TMEM94: variants seen among roughly 807,000 people sequenced by gnomAD.
TMEM94 encodes the protein ER Mg2+ ATPase.
TMEM94 carries 81 observed loss-of-function variants against 158.6 expected under a neutral mutation model. That is an observed-to-expected ratio of 0.51 (90% confidence interval 0.43 to 0.61). The LOEUF (loss-of-function observed/expected upper bound fraction) is 0.61, where lower values mean the gene tolerates loss of function less well. Among genes scored for constraint, TMEM94 ranks in the 20% least tolerant of loss-of-function variants. TMEM94 has a pLI of 0.00. For missense variants in TMEM94, 1,435 were observed against 1,762.0 expected (o/e 0.81, Z 3.32); for synonymous variants, 751 against 730.7 (o/e 1.03, Z -0.45).
chr17:75,478,708 G>C (rs922708432), intron 2 of TMEM94, among the ~76,000 whole-genome samples: 3 of 152,178 alleles, frequency 2.0e-5, no homozygotes, highest in Admixed American at 1.3e-4. Context: ...CCTTAGAGCC[G>C]TGTTATTTTC....
rs752007354 is a variant in TMEM94, at chr17:75,498,151, G to A, written c.3490-24G>A. On this transcript the variant is annotated intron_variant, in intron 27 of 31. Transcript: ENST00000314256. The surrounding 1 kb of genome is among the most constrained non-coding windows in gnomAD (Gnocchi z 6.7). ...CCGGCAGAGGGGCTGTGCGCCCCAG[G>A]AGTGACTGGCCTTGTTCCCGCAGAC... 6 of 1,613,052 alleles carry A rather than the reference G, an allele frequency of 3.7e-6. No homozygotes were observed. In the African/African-American group the frequency reaches 5.3e-5, roughly 14 times the overall value.
Position 75,498,638 on chromosome 17 carries a change from CCATCACCCATGTG to C in TMEM94, c.3748_3760del (p.Thr1250AlafsTer11). Reference sequence around the variant, plus strand: ...GCCCCACCTTCCCCAGTCTTCATTTCCATCACCCATGTGCATCGCACCAAGCCCCTGTGGAGAA... The same window carrying C: ...GCCCCACCTTCCCCAGTCTTCATTTCCATCGCACCAAGCCCCTGTGGAGAA... On this transcript the variant is annotated frameshift_variant, in exon 30 of 32. Coordinates refer to ENST00000314256, the MANE Select transcript of TMEM94 (RefSeq NM_014738.6). LOFTEE classifies it high-confidence loss of function. This position sits in a 1 kb window ranked among gnomAD's most constrained non-coding sequence, Gnocchi z 6.7. 10 of 1,611,090 alleles carry C rather than the reference CCATCACCCATGTG, an allele frequency of 6.2e-6. No homozygotes were observed. Among genetic ancestry groups the C allele is most frequent in the Non-Finnish European group, 8.5e-6 (10 of 1,178,420 alleles).
Position 75,485,485 on chromosome 17 carries a change from G to C in TMEM94, c.82G>C (p.Glu28Gln), listed in dbSNP as rs747528206. 17 of 1,614,186 alleles carry C rather than the reference G, an allele frequency of 1.1e-5. No homozygotes were observed. The East Asian group carries it at 3.8e-4, about 36-fold the overall frequency. The part of the protein sequence containing the change: ...STRKALSVLK[E>Q]QLEAVLEGHL... ...GCGGAAGGCCCTCAGCGTCCTGAAGGAGCAGCTGGAGGCAGTGCTGGAAGG... is the reference window on the plus strand; with the variant it reads ...GCGGAAGGCCCTCAGCGTCCTGAAGCAGCAGCTGGAGGCAGTGCTGGAAGG... The change falls in exon 3 of 32, where the codon GAG becomes CAG. Residue 28 changes from glutamate to glutamine, a missense_variant. Physicochemically the swap from Glu to Gln is conservative, Grantham distance 29. Around this residue, in one of 3 missense-constraint regions of TMEM94, gnomAD observed 1,051 missense variants for 1,254.4 expected, o/e 0.84. Coordinates refer to ENST00000314256, the MANE Select transcript of TMEM94 (RefSeq NM_014738.6). This position sits in a 1 kb window ranked among gnomAD's most constrained non-coding sequence, Gnocchi z 5.5.
intron 1 of TMEM94, among the ~76,000 whole-genome samples, chr17:75,467,829 G>T (rs1349944908): frequency 1.3e-5 from 2 of 152,136 alleles, no homozygotes; most frequent in Non-Finnish European, 1.5e-5. Flanking sequence ...ACCGCGCCCG[G>T]CCCCATTTCT....
In TMEM94 at chr17:75,491,230, G is replaced by A; in HGVS notation, c.1234-73G>A. Reference sequence around the variant, plus strand: ...CTGGCTGGGCCTGGGCTGCCCACCTGCCGCTTGAGTGGCCCCTGGGCAGGA... The same window carrying A: ...CTGGCTGGGCCTGGGCTGCCCACCTACCGCTTGAGTGGCCCCTGGGCAGGA... On this transcript the variant is annotated intron_variant, in intron 12 of 31. Coordinates refer to ENST00000314256, the MANE Select transcript of TMEM94 (RefSeq NM_014738.6). This position sits in a 1 kb window ranked among gnomAD's most constrained non-coding sequence, Gnocchi z 5.1. 1.9e-6 allele frequency: 3 copies of A among 1,596,054 alleles called. No individual in the cohort carries two copies. The highest frequency in any genetic ancestry group is 2.6e-6 in the Non-Finnish European group (3 of 1,167,246).
chr17:75,489,375 G>A lies in TMEM94; in HGVS notation c.867+7G>A, dbSNP rs372064721. ...TGCTGTGCCCGTGGTCCTGGTGCGT[G>A]TGGCGGGGCTGTGCGGGGCTGCATG... On this transcript the variant is annotated splice_region_variant and intron_variant, in intron 8 of 31. Coordinates refer to ENST00000314256, the MANE Select transcript of TMEM94 (RefSeq NM_014738.6). The surrounding 1 kb of genome is among the most constrained non-coding windows in gnomAD (Gnocchi z 5.0). 1.9e-6 allele frequency: 3 copies of A among 1,613,670 alleles called. No homozygotes were observed. Among genetic ancestry groups the A allele is most frequent in the Admixed American group, 3.3e-5 (2 of 60,032 alleles).
rs902173264 is a variant in TMEM94 at position 75,490,497 on chromosome 17, C to G, written c.1071+147C>G. ...AGCTCTCCAGGCCTCGGGCCCTCTC[C>G]ATTCCAGAAGGGCCTCCAGGCCAGG... is the stretch of plus-strand genomic sequence containing the variant. On this transcript the variant is annotated intron_variant, in intron 10 of 31. Coordinates refer to ENST00000314256, the MANE Select transcript of TMEM94 (RefSeq NM_014738.6). 9.0e-6 allele frequency: 9 copies of G among 998,312 alleles called. No individual in the cohort carries two copies. The African/African-American group carries it at 1.5e-4, about 16-fold the overall frequency. 61.8% of individuals were successfully genotyped at this position (998,312 alleles called of 1,614,324 possible).
rs768260537 is a variant in TMEM94, at chr17:75,496,377, C to T, written c.3149C>T (p.Ser1050Phe). 2 of 1,613,930 alleles carry T rather than the reference C, an allele frequency of 1.2e-6. No homozygotes were observed. The highest frequency in any genetic ancestry group is 1.1e-5 in the South Asian group (1 of 91,090). Residue 1050 changes from serine to phenylalanine, a missense_variant, in exon 24 of 32, where the codon TCT becomes TTT. Ser to Phe is a radical substitution (Grantham distance 155). Around this residue, in one of 3 missense-constraint regions of TMEM94, gnomAD observed 335 missense variants for 409.1 expected, o/e 0.82. Coordinates refer to ENST00000314256, the MANE Select transcript of TMEM94 (RefSeq NM_014738.6). Reference protein sequence around the residue: ...ISMAQASDGLSPLQLSGQLNS... With the variant: ...ISMAQASDGLFPLQLSGQLNS... ...ATGGCCCAGGCCTCGGATGGCCTTT[C>T]TCCCCTGCAGCTGTCAGGGCAGCTC... is the stretch of plus-strand genomic sequence containing the variant.
rs752861630 is a variant in TMEM94 at position 75,494,867 on chromosome 17, G to T, written c.2590-29G>T. On this transcript the variant is annotated intron_variant, in intron 19 of 31. Transcript: ENST00000314256. Reference sequence around the variant, plus strand: ...TCTGTTTCCACGGGCTTTTGGGCCCGTATGTTCATGGCCGTCTGCCTTTCA... The same window carrying T: ...TCTGTTTCCACGGGCTTTTGGGCCCTTATGTTCATGGCCGTCTGCCTTTCA... 9.9e-6 allele frequency: 16 copies of T among 1,613,174 alleles called. No individual in the cohort carries two copies. In the Middle Eastern group the frequency reaches 6.6e-4, roughly 67 times the overall value.
Position 75,491,172 on chromosome 17 carries a change from G to A in TMEM94, c.1233+19G>A, listed in dbSNP as rs750448323. The A allele has an allele frequency of 6.3e-7, 1 of 1,599,508 alleles. No individual in the cohort carries two copies. Among genetic ancestry groups the A allele is most frequent in the Admixed American group, 1.7e-5 (1 of 59,206 alleles). Reference sequence around the variant, plus strand: ...TGTCACGGTGAGGGTGGGCCTTGCGGGGAGGAGGCAACTGTCATGCCCGCC... The same window carrying A: ...TGTCACGGTGAGGGTGGGCCTTGCGAGGAGGAGGCAACTGTCATGCCCGCC... On this transcript the variant is annotated intron_variant, in intron 12 of 31. Coordinates refer to ENST00000314256, the MANE Select transcript of TMEM94 (RefSeq NM_014738.6). The surrounding 1 kb of genome is among the most constrained non-coding windows in gnomAD (Gnocchi z 5.1).
rs150101180 is a variant in TMEM94 at position 75,464,458 on chromosome 17, G to T, written c.-106-7342G>T. Among the ~76,000 whole-genome samples the T allele has an allele frequency of 3.1e-4, 46 of 150,130 alleles. No individual in the cohort carries two copies. In the East Asian group the frequency reaches 8.5e-3, roughly 28 times the overall value. ...GATCGCACCACTGTACTCCAGGCTG[G>T]GCAATAGGGTGAGGCCTTGTCTCAA... On this transcript the variant is annotated intron_variant, in intron 1 of 31. Coordinates refer to ENST00000314256, the MANE Select transcript of TMEM94 (RefSeq NM_014738.6).
At chr17:75,481,499 G>C (rs1400955383) in intron 2 of TMEM94, among the ~76,000 whole-genome samples, 1 of 152,240 alleles carries the variant, frequency 6.6e-6, no homozygotes, top group Non-Finnish European at 1.5e-5. Flanking sequence ...GCCAGGCTGT[G>C]GCAGGGGGCA....
chr17:75,490,919 C>A, intron 11 of TMEM94, 130 bp from the exon 12 acceptor site: 2 of 930,236 alleles, frequency 2.1e-6, no homozygotes, highest in Non-Finnish European at 3.3e-6. Context: ...AACGTGTCCA[C>A]ACCCTGTCCC....
At chr17:75,471,713 C>CA (rs148275503) in intron 1 of TMEM94, 87 bp from the exon 2 acceptor site, 40,888 of 437,760 alleles carry the variant, frequency 0.093, 52 homozygotes, top group Middle Eastern at 0.11. Context: ...GACTCCGTCT[C>CA]AAAAAAAAAA....
Position 75,497,101 on chromosome 17 carries a change from T to G in TMEM94, c.3322-12T>G. On this transcript the variant is annotated splice_polypyrimidine_tract_variant and intron_variant, in intron 25 of 31. Transcript: ENST00000314256. ...AATTGAACTGTGGCTCTTGGCTTCT[T>G]TCCTGGTCTAGTTCCTTTCTTGCCT... is the stretch of plus-strand genomic sequence containing the variant. 1.9e-6 allele frequency: 3 copies of G among 1,612,628 alleles called. No homozygotes were observed. The highest frequency in any genetic ancestry group is 2.5e-6 in the Non-Finnish European group (3 of 1,178,600).
chr17:75,495,891 T>G lies in TMEM94; in HGVS notation c.2945-75T>G. On this transcript the variant is annotated intron_variant, in intron 22 of 31. Transcript: ENST00000314256. The surrounding 1 kb of genome is among the most constrained non-coding windows in gnomAD (Gnocchi z 5.6). ...CCTCCCATCGCCTCCTGCTCTCCTGTCCCATGGGTCTCTGCCCAGTGCCCA... is the reference window on the plus strand; with the variant it reads ...CCTCCCATCGCCTCCTGCTCTCCTGGCCCATGGGTCTCTGCCCAGTGCCCA... 1 of 1,097,972 alleles carries G rather than the reference T, an allele frequency of 9.1e-7. No homozygotes were observed. Among genetic ancestry groups the G allele is most frequent in the Non-Finnish European group, 1.4e-6 (1 of 728,172 alleles). 68.0% of individuals were successfully genotyped at this position (1,097,972 alleles called of 1,614,324 possible).
intron 27 of TMEM94, 115 bp downstream of exon 27, chr17:75,497,977 C>A: frequency 8.5e-7 from 1 of 1,179,812 alleles, no homozygotes; most frequent in East Asian, 2.4e-5. Flanking sequence ...AGCAGAACTC[C>A]GGCACTTGGT....
At position 75,492,070 on chromosome 17, in the gene TMEM94, A is replaced by ACCCTT; in HGVS notation, c.1596+170_1596+171insCCCTT. 1.3e-6 allele frequency: 1 copy of ACCCTT among 792,152 alleles called. No homozygotes were observed. Among genetic ancestry groups the ACCCTT allele is most frequent in the Non-Finnish European group, 2.0e-6 (1 of 503,946 alleles). The allele number at this position is 792,152 out of a possible 1,614,324, so 49.1% of individuals were successfully genotyped here. A position where few individuals can be genotyped will look rare whatever the true frequency, so the allele number is the denominator to read the frequency against. On this transcript the variant is annotated intron_variant, in intron 14 of 31. Transcript: ENST00000314256. This position sits in a 1 kb window ranked among gnomAD's most constrained non-coding sequence, Gnocchi z 4.4. The stretch of plus-strand genomic sequence containing the variant: ...TGAGGCCCTCCCCAAGTCTGCTGCG[A>ACCCTT]AGTAGGTGGAGCCTCCCCCTACCCT...
rs766377767 is a variant in TMEM94, at chr17:75,496,087, C to T, written c.3053+13C>T. Reference sequence around the variant, plus strand: ...AGAGCGACATCAGGTCAGGGCGGGACCCTGGAGCCTGCGGGCCAGCCTCTA... The same window carrying T: ...AGAGCGACATCAGGTCAGGGCGGGATCCTGGAGCCTGCGGGCCAGCCTCTA... On this transcript the variant is annotated intron_variant, in intron 23 of 31. Transcript: ENST00000314256. 4 of 1,598,334 alleles carry T rather than the reference C, an allele frequency of 2.5e-6. No homozygotes were observed. The highest frequency in any genetic ancestry group is 3.4e-6 in the Non-Finnish European group (4 of 1,171,244).
Sources: gnomAD v4.1 joint callset for allele counts (sites outside exome capture counted in the v4.1 genomes callset) on GRCh38, gnomAD v4.1.1 for gene constraint, gnomAD v4.1.1 regional missense constraint, Gnocchi (gnomAD v3.1) non-coding constraint, MANE v1.5 for transcripts, NCBI Gene and HGNC (gene_info 2026-07-23, HGNC 2026-07-21) for gene names.